The following TGM7 variants were observed in gnomAD, a reference collection of about 807,000 sequenced individuals.
TGM7 encodes the protein transglutaminase 7.
TGM7 carries 74 observed loss-of-function variants against 79.5 expected under a neutral mutation model. The ratio of observed to expected loss-of-function variants is 0.93; its 90% CI spans 0.77 to 1.13. The LOEUF is 1.13. TGM7 is among the 50% of genes most tolerant of loss of function. TGM7 has a pLI of 0.00. For synonymous variants in TGM7, 354 were observed against 362.5 expected, an observed-to-expected ratio of 0.98 and a Z score of 0.27; for missense variants, 912 against 905.9, an observed-to-expected ratio of 1.01 and a Z score of -0.09.
Position 43,287,466 on chromosome 15 carries a change from G to A in TGM7, c.688-9C>T. ...TCATCGTTGCTGTTGATCTGCAGAG[G>A]ACAGACAGGTGGGTTTCCACAGCTC... On this transcript the variant is annotated splice_polypyrimidine_tract_variant and intron_variant, in intron 5 of 12. Transcript: ENST00000452443. 3 of 1,613,698 alleles carry A rather than the reference G, an allele frequency of 1.9e-6. No homozygotes were observed. Among genetic ancestry groups the A allele is most frequent in the East Asian group, 2.2e-5 (1 of 44,878 alleles).
rs377751761 is a variant in TGM7 at position 43,290,175 on chromosome 15, T to C, written c.558+1804A>G. Among the ~76,000 whole-genome samples, 173 of 152,342 alleles carry C rather than the reference T, an allele frequency of 1.1e-3. 1 individual carries two copies. Among genetic ancestry groups the C allele is most frequent in the Middle Eastern group, 6.8e-3 (2 of 294 alleles). On this transcript the variant is annotated intron_variant, in intron 4 of 12. Coordinates refer to ENST00000452443, the MANE Select transcript of TGM7 (RefSeq NM_052955.3). ...CCTGAATGGTATTGCCTAGGTTTTC[T>C]TCTAGGGTTTTTATGGTTTCAGGTC...
At chr15:43,282,107 T>C (rs765294218) in intron 8 of TGM7, 21 bp from the exon 9 acceptor site, 1 of 1,611,062 alleles carries the variant, frequency 6.2e-7, no homozygotes, top group Non-Finnish European at 8.5e-7. Context: ...AACAGGCTAC[T>C]GATATGGGGG....
At chr15:43,286,551 C>A (rs1199434732) in intron 6 of TGM7, among the ~76,000 whole-genome samples, 1 of 152,194 alleles carries the variant, frequency 6.6e-6, no homozygotes, top group African/African-American at 2.4e-5. Context: ...TCCAAAAAGT[C>A]TCTGCCCTTG....
rs750657883 is a variant in TGM7 at position 43,279,187 on chromosome 15, A to T, written c.1769T>A (p.Val590Asp). 1 of 1,613,966 alleles carries T rather than the reference A, an allele frequency of 6.2e-7. No individual in the cohort carries two copies. Among genetic ancestry groups the T allele is most frequent in the South Asian group, 1.1e-5 (1 of 91,066 alleles). Residue 590 changes from valine (V) to aspartate (D), a missense_variant, in exon 11 of 13, where the codon GTT becomes GAT. By Grantham distance (152) the Val-to-Asp change is radical. Transcript: ENST00000452443. ...KLIRVSGIAE[V>D]EETGRSMLVL... The stretch of plus-strand genomic sequence containing the variant: ...CAGCATGGACCTCCCTGTCTCTTCA[A>T]CCTCCGCGATGCCAGACACGCGGAT...
intron 4 of TGM7, among the ~76,000 whole-genome samples, chr15:43,287,872 C>T (rs537339718): frequency 1.4e-3 from 207 of 152,210 alleles, no homozygotes; most frequent in Admixed American, 2.3e-3. Flanking sequence ...TTCTGAAACA[C>T]TAAACTGCGT....
chr15:43,280,753 C>T (rs1369111740), intron 9 of TGM7, among the ~76,000 whole-genome samples: 4 of 152,112 alleles, frequency 2.6e-5, no homozygotes, highest in Non-Finnish European at 4.4e-5. Context: ...TACTTGAGAC[C>T]ATCATTACAA....
At chr15:43,279,326 A>G in intron 10 of TGM7, 49 bp from the exon 11 acceptor site, 1 of 1,580,034 alleles carries the variant, frequency 6.3e-7, no homozygotes, top group African/African-American at 1.4e-5. Context: ...GACCAGAGAG[A>G]GGGGGGACAT....
intron 1 of TGM7, among the ~76,000 whole-genome samples, chr15:43,297,264 C>A (rs1177413248): frequency 2.0e-5 from 3 of 151,900 alleles, no homozygotes; most frequent in Non-Finnish European, 4.4e-5. Flanking sequence ...GACCAGCTGA[C>A]CAACATGGTG....
rs1472718508 is a variant in TGM7 at position 43,279,598 on chromosome 15, G to A, written c.1678+27C>T. ...ACCCACAGCTCCCCTCCCTGTAGGTGCCTTCTCAGGCCTGCCTCACACTCA... is the reference window on the plus strand; with the variant it reads ...ACCCACAGCTCCCCTCCCTGTAGGTACCTTCTCAGGCCTGCCTCACACTCA... On this transcript the variant is annotated intron_variant, in intron 10 of 12. Coordinates refer to ENST00000452443, the MANE Select transcript of TGM7 (RefSeq NM_052955.3). The A allele has an allele frequency of 4.5e-6, 7 of 1,541,472 alleles. No individual in the cohort carries two copies. In the African/African-American group the frequency reaches 9.6e-5, roughly 21 times the overall value.
chr15:43,279,586 C>T (rs773589194), intron 10 of TGM7, 39 bp downstream of exon 10: 1 of 1,531,642 alleles, frequency 6.5e-7, no homozygotes, highest in Non-Finnish European at 8.8e-7. Context: ...CACAGCTCCC[C>T]TCCCTGTAGG....
At chr15:43,281,681 C>T (rs1275226075) in intron 9 of TGM7, among the ~76,000 whole-genome samples, 163 bp downstream of exon 9, 4 of 152,124 alleles carry the variant, frequency 2.6e-5, no homozygotes, top group Non-Finnish European at 5.9e-5. Context: ...TTGCTGGTAA[C>T]CCTACCCTAG....
At chr15:43,299,707 A>G (rs377225242) in intron 1 of TGM7, among the ~76,000 whole-genome samples, 32 of 152,200 alleles carry the variant, frequency 2.1e-4, no homozygotes, top group African/African-American at 7.7e-4. Flanking sequence ...TTTTGCATTT[A>G]TTCTAGCTTC....
chr15:43,301,640 A>AG (rs2043026099), intron 1 of TGM7, among the ~76,000 whole-genome samples: 1 of 151,228 alleles, frequency 6.6e-6, no homozygotes, highest in African/African-American at 2.4e-5. Context: ...AAAAAAAAAA[A>AG]AAAGAAAAAG....
At position 43,287,292 on chromosome 15, in the gene TGM7, CAG is replaced by C; in HGVS notation, c.851_852del (p.Ser284CysfsTer27). 1.9e-6 allele frequency: 3 copies of C among 1,613,268 alleles called. No individual in the cohort carries two copies. In the South Asian group the frequency reaches 3.3e-5, roughly 18 times the overall value. ...VKYGQCWVFA[S>X]VMCTVMRCLG... ...ATCTTTCGCTCACCGGTGCACATAA[CAG>C]AGGCGAAGACCCAGCACTGTCCGTA... On this transcript the variant is annotated frameshift_variant, in exon 6 of 13. Coordinates refer to ENST00000452443, the MANE Select transcript of TGM7 (RefSeq NM_052955.3). LOFTEE classifies it high-confidence loss of function.
chr15:43,285,065 A>G (rs2042928596), intron 6 of TGM7, 113 bp from the exon 7 acceptor site: 1 of 1,203,804 alleles, frequency 8.3e-7, no homozygotes, highest in South Asian at 1.4e-5. Flanking sequence ...ACGCTTACGG[A>G]ACCACACCAG....
At chr15:43,294,713 A>C (rs2042983985) in intron 1 of TGM7, among the ~76,000 whole-genome samples, 1 of 152,236 alleles carries the variant, frequency 6.6e-6, no homozygotes, top group Non-Finnish European at 1.5e-5. Flanking sequence ...AGTGGTTCTC[A>C]ACGGGAAATT....
At chr15:43,300,864 G>T (rs1177403843) in intron 1 of TGM7, among the ~76,000 whole-genome samples, 1 of 152,158 alleles carries the variant, frequency 6.6e-6, no homozygotes, top group African/African-American at 2.4e-5. Flanking sequence ...GATAGCCAAG[G>T]GGAAAAGATA....
chr15:43,277,003 G>A lies in TGM7; in HGVS notation c.1840-8C>T. ...CTCAGCCCTCTCAGACACCTGTGTGGAGAGAAGTCAGCAATCCCATGGGCA... is the reference window on the plus strand; with the variant it reads ...CTCAGCCCTCTCAGACACCTGTGTGAAGAGAAGTCAGCAATCCCATGGGCA... On this transcript the variant is annotated splice_polypyrimidine_tract_variant and splice_region_variant and intron_variant, in intron 11 of 12. Coordinates refer to ENST00000452443, the MANE Select transcript of TGM7 (RefSeq NM_052955.3). 1.2e-6 allele frequency: 2 copies of A among 1,613,618 alleles called. No individual in the cohort carries two copies. The highest frequency in any genetic ancestry group is 1.7e-6 in the Non-Finnish European group (2 of 1,179,854).
At chr15:43,291,922 G>C in intron 4 of TGM7, 57 bp downstream of exon 4, 1 of 1,243,630 alleles carries the variant, frequency 8.0e-7, no homozygotes, top group Non-Finnish European at 1.2e-6. Flanking sequence ...TAACAGGGTT[G>C]TGTAAGGACC....
Sources: gnomAD v4.1 joint callset for allele counts (sites outside exome capture counted in the v4.1 genomes callset) on GRCh38, gnomAD v4.1.1 for gene constraint, MANE v1.5 for transcripts, NCBI Gene and HGNC (gene_info 2026-07-23, HGNC 2026-07-21) for gene names.